Variants in ABCC4 observed in about 807,000 individuals in gnomAD.
ABCC4 encodes ATP binding cassette subfamily C member 4 (PEL blood group).
A neutral mutation model predicts 168.5 loss-of-function variants in ABCC4; 102 were observed. That is an observed-to-expected ratio of 0.61 (90% CI 0.52 to 0.71). The LOEUF is 0.71. ABCC4 is among the 30% of genes least tolerant of loss of function. The probability of loss-of-function intolerance (pLI) is 0.00; values close to 1 mark genes in which losing one functional copy is unlikely to be tolerated. For synonymous variants in ABCC4, 617 were observed against 590.7 expected (o/e 1.04, Z -0.65); for missense variants, 1,402 against 1,605.8 (o/e 0.87, Z 2.17).
intron 1 of ABCC4, among the ~76,000 whole-genome samples, chr13:95,292,025 T>A (rs2041416743): frequency 6.6e-6 from 1 of 151,988 alleles, no homozygotes; most frequent in South Asian, 2.1e-4. Context: ...ACATCTCCAC[T>A]TGAATGTGTA....
chr13:95,158,294 G>C (rs1344462290), intron 19 of ABCC4, among the ~76,000 whole-genome samples: 2 of 152,032 alleles, frequency 1.3e-5, no homozygotes, highest in Non-Finnish European at 2.9e-5. Context: ...ATGATGAGGG[G>C]GATGGCACAC....
At chr13:95,161,049 G>A (rs1388788989) in intron 19 of ABCC4, 140 bp downstream of exon 19, 1 of 270,372 alleles carries the variant, frequency 3.7e-6, no homozygotes, top group African/African-American at 2.7e-5. Flanking sequence ...TATCAGTGAA[G>A]TTTCTTGTGG....
Position 95,166,172 on chromosome 13 carries a change from G to A in ABCC4, c.2020C>T (p.Leu674=), listed in dbSNP as rs1403785972. ...SSRPSLKDGA[L]ESQDTENVPV... ...GGTGAACTCACATCTTGGCTCTCCAGAGCACCATCTTTCAAGGAGGGTCTA... is the reference window on the plus strand; with the variant it reads ...GGTGAACTCACATCTTGGCTCTCCAAAGCACCATCTTTCAAGGAGGGTCTA... Residue 674 remains leucine (L), a synonymous_variant, in exon 15 of 31, where the codon CTG becomes TTG. Coordinates refer to ENST00000645237, the MANE Select transcript of ABCC4 (RefSeq NM_005845.5). 3.1e-6 allele frequency: 5 copies of A among 1,613,924 alleles called. No individual in the cohort carries two copies. Among genetic ancestry groups the A allele is most frequent in the Non-Finnish European group, 4.2e-6 (5 of 1,179,940 alleles).
chr13:95,229,068 C>T (rs1202241590), intron 4 of ABCC4, among the ~76,000 whole-genome samples: 2 of 152,044 alleles, frequency 1.3e-5, no homozygotes, highest in African/African-American at 4.8e-5. Flanking sequence ...TCCCTGCATA[C>T]AGGGAATATG....
intron 19 of ABCC4, among the ~76,000 whole-genome samples, chr13:95,140,648 C>A (rs777790396): frequency 6.6e-6 from 1 of 152,156 alleles, no homozygotes; most frequent in Non-Finnish European, 1.5e-5. Context: ...ATCAGAAATT[C>A]TTTACTTGCA....
At chr13:95,282,774 C>A (rs1386107709) in intron 1 of ABCC4, among the ~76,000 whole-genome samples, 1 of 151,798 alleles carries the variant, frequency 6.6e-6, no homozygotes, top group Non-Finnish European at 1.5e-5. Flanking sequence ...ACCTTGTGAT[C>A]TGCCCACCTT....
At position 95,114,574 on chromosome 13, in the gene ABCC4, G is replaced by GA. The variant is rs4148525; in HGVS notation, c.2535+1347dup. ...GCACATTTTAAAAATGTTTGCAAAA[G>GA]AAAAAAAAAAATCAGAGGTCCTTGT... is the stretch of plus-strand genomic sequence containing the variant. On this transcript the variant is annotated intron_variant, in intron 20 of 30. Transcript: ENST00000645237. Among the ~76,000 whole-genome samples the GA allele has an allele frequency of 1.8e-3, 262 of 144,938 alleles. 1 individual carries two copies. Among genetic ancestry groups the GA allele is most frequent in the African/African-American group, 5.4e-3 (213 of 39,744 alleles).
rs141029559 is a variant in ABCC4 at position 95,263,410 on chromosome 13, G to T, written c.75-15657C>A. On this transcript the variant is annotated intron_variant, in intron 1 of 30. Coordinates refer to ENST00000645237, the MANE Select transcript of ABCC4 (RefSeq NM_005845.5). Reference sequence around the variant, plus strand: ...AAGAACCAACTGTATATGTATATGTGTGTGTATATATATACACATACACAC... The same window carrying T: ...AAGAACCAACTGTATATGTATATGTTTGTGTATATATATACACATACACAC... Among the ~76,000 whole-genome samples, 81 of 152,222 alleles carry T rather than the reference G, an allele frequency of 5.3e-4. 1 individual carries two copies. The highest frequency in any genetic ancestry group is 1.9e-3 in the African/African-American group (78 of 41,528).
intron 9 of ABCC4, among the ~76,000 whole-genome samples, chr13:95,190,710 TAAGTA>T (rs1417142382): frequency 6.6e-6 from 1 of 152,206 alleles, no homozygotes; most frequent in Non-Finnish European, 1.5e-5. Context: ...TTGATACTGT[TAAGTA>T]AAGTAAAAAC....
At chr13:95,242,681 G>A (rs553259501) in intron 3 of ABCC4, among the ~76,000 whole-genome samples, 1 of 152,222 alleles carries the variant, frequency 6.6e-6, no homozygotes, top group African/African-American at 2.4e-5. Context: ...CACCATGCCT[G>A]GCCAATAAAT....
chr13:95,182,518 A>G (rs2037930458), intron 11 of ABCC4, among the ~76,000 whole-genome samples: 1 of 152,246 alleles, frequency 6.6e-6, no homozygotes, highest in African/African-American at 2.4e-5. Context: ...TGGAAGTTAT[A>G]TACTCAGATA....
chr13:95,164,327 T>C lies in ABCC4; in HGVS notation c.2175+51A>G, dbSNP rs774919479. 1.1e-5 allele frequency: 17 copies of C among 1,604,078 alleles called. No individual in the cohort carries two copies. The East Asian group carries it at 3.6e-4, about 34-fold the overall frequency. ...AGATGCAGTCATAATAGCATAAACA[T>C]AGGTACTGTAAATATCATTTTGAGG... On this transcript the variant is annotated intron_variant, in intron 16 of 30. Transcript: ENST00000645237.
At chr13:95,149,242 G>C (rs1025772607) in intron 19 of ABCC4, among the ~76,000 whole-genome samples, 19 of 152,158 alleles carry the variant, frequency 1.2e-4, no homozygotes, top group African/African-American at 3.6e-4. Flanking sequence ...TGAAATGTAT[G>C]TGTTGATTTT....
chr13:95,227,854 C>T (rs1331729501), intron 4 of ABCC4, among the ~76,000 whole-genome samples: 2 of 152,076 alleles, frequency 1.3e-5, no homozygotes, highest in African/African-American at 2.4e-5. Context: ...GGATCACAGG[C>T]GTGCACCACC....
intron 19 of ABCC4, among the ~76,000 whole-genome samples, chr13:95,119,182 A>G (rs2139420198): frequency 6.6e-6 from 1 of 152,344 alleles, no homozygotes; most frequent in South Asian, 2.1e-4. Context: ...TTGGACTCAC[A>G]TTTAATGTAA....
intron 1 of ABCC4, among the ~76,000 whole-genome samples, chr13:95,288,915 G>A (rs1169226893): frequency 3.3e-5 from 5 of 152,094 alleles, no homozygotes; most frequent in South Asian, 2.1e-4. Flanking sequence ...AAATTGTGTC[G>A]CTTAATCAAC....
chr13:95,049,971 C>T (rs1436335507), intron 27 of ABCC4, among the ~76,000 whole-genome samples: 3 of 152,010 alleles, frequency 2.0e-5, no homozygotes, highest in Non-Finnish European at 2.9e-5. Flanking sequence ...TTTTTGTCTG[C>T]TTTAAAGGGG....
chr13:95,233,131 A>T (rs1198358478), intron 4 of ABCC4, among the ~76,000 whole-genome samples: 1 of 152,188 alleles, frequency 6.6e-6, no homozygotes, highest in African/African-American at 2.4e-5. Context: ...GTATATTTAC[A>T]TTATACAATG....
chr13:95,287,974 G>A (rs368752306), intron 1 of ABCC4, among the ~76,000 whole-genome samples: 5 of 150,546 alleles, frequency 3.3e-5, no homozygotes, highest in Admixed American at 1.3e-4. Context: ...CCCGGGAGAC[G>A]GAGGTTGCAG....
Sources: allele counts gnomAD v4.1 joint callset (sites outside exome capture counted in the v4.1 genomes callset), GRCh38; gene constraint gnomAD v4.1.1; transcripts MANE v1.5; gene names NCBI Gene and HGNC (gene_info 2026-07-23, HGNC 2026-07-21).